The following ENAH variants were observed in gnomAD, a reference collection of about 807,000 sequenced individuals.
ENAH encodes ENAH actin regulator.
A neutral mutation model predicts 78.7 loss-of-function variants in ENAH; 23 were observed. The ratio of observed to expected loss-of-function variants is 0.29; its 90% confidence interval spans 0.21 to 0.41. The LOEUF is 0.41. ENAH is among the 10% of genes least tolerant of loss of function. The pLI is 1.00. For missense variants in ENAH, 544 were observed against 691.0 expected (o/e 0.79, Z 2.39); for synonymous variants, 226 against 241.0 (o/e 0.94, Z 0.58).
chr1:225,629,353 A>AGGCAGGT (rs1658565732), intron 1 of ENAH, among the ~76,000 whole-genome samples: 1 of 151,958 alleles, frequency 6.6e-6, no homozygotes, highest in Non-Finnish European at 1.5e-5. Context: ...TGGGAGGCCA[A>AGGCAGGT]GGCAGGTGGA....
chr1:225,518,088 G>T, intron 5 of ENAH: 1 of 1,019,038 alleles, frequency 9.8e-7, no homozygotes, highest in Non-Finnish European at 1.4e-6. Flanking sequence ...CAGACACAAT[G>T]TATAAATGTA....
chr1:225,502,329 A>T (rs1157036099), intron 11 of ENAH, among the ~76,000 whole-genome samples: 1 of 152,062 alleles, frequency 6.6e-6, no homozygotes, highest in African/African-American at 2.4e-5. Context: ...TTCCTGCCTC[A>T]GCCTCTGGAG....
chr1:225,517,536 A>T, intron 5 of ENAH: 2 of 1,551,624 alleles, frequency 1.3e-6, no homozygotes, highest in Non-Finnish European at 1.7e-6. Flanking sequence ...TTTGGGGCAC[A>T]GGAGAAGAAA....
At chr1:225,563,598 T>G (rs1427817566) in intron 2 of ENAH, among the ~76,000 whole-genome samples, 1 of 152,210 alleles carries the variant, frequency 6.6e-6, no homozygotes, top group Non-Finnish European at 1.5e-5. Flanking sequence ...ATCCTTATAT[T>G]ACTAAGGCAA....
At position 225,501,452 on chromosome 1, in the gene ENAH, C is replaced by A. The variant is rs182208681; in HGVS notation, c.1539-382G>T. Among the ~76,000 whole-genome samples, 80 of 152,268 alleles carry A rather than the reference C, an allele frequency of 5.3e-4. No individual in the cohort carries two copies. In the East Asian group the frequency reaches 0.013, roughly 25 times the overall value. ...AATCTTGTTTTGTCTTTCTTTTGAA[C>A]TTTTACATTATCTACTTAAATACCT... On this transcript the variant is annotated intron_variant, in intron 11 of 13. Coordinates refer to ENST00000366843, the MANE Select transcript of ENAH (RefSeq NM_018212.6).
At chr1:225,645,292 CATAT>C (rs1661755741) in intron 1 of ENAH, among the ~76,000 whole-genome samples, 1 of 152,206 alleles carries the variant, frequency 6.6e-6, no homozygotes, top group African/African-American at 2.4e-5. Context: ...GGAATCATGG[CATAT>C]ATCGCCTTTT....
At chr1:225,535,119 A>C (rs11584996) in intron 3 of ENAH, among the ~76,000 whole-genome samples, 32,390 of 152,104 alleles carry the variant, frequency 0.21, 4,262 homozygotes, top group Middle Eastern at 0.39. Context: ...CCTTTGCACA[A>C]GGCACATTTA....
chr1:225,533,729 ACT>A (rs1277624707), intron 3 of ENAH, among the ~76,000 whole-genome samples: 2 of 152,080 alleles, frequency 1.3e-5, no homozygotes, highest in African/African-American at 2.4e-5. Context: ...AGATCAGGAG[ACT>A]CTATAATAGG....
chr1:225,555,145 A>G (rs2096659860), intron 2 of ENAH, 62 bp from the exon 3 acceptor site: 1 of 1,377,020 alleles, frequency 7.3e-7, no homozygotes, highest in Non-Finnish European at 9.9e-7. Flanking sequence ...GGATGTCAAC[A>G]AATGCTGATT....
At chr1:225,541,797 A>G (rs1443567642) in intron 3 of ENAH, among the ~76,000 whole-genome samples, 2 of 152,176 alleles carry the variant, frequency 1.3e-5, no homozygotes, top group Middle Eastern at 3.2e-3. Context: ...ACTTATTCTC[A>G]CTTGAAAAAC....
At chr1:225,516,147 G>T (rs2096415617) in intron 6 of ENAH, among the ~76,000 whole-genome samples, 2 of 152,220 alleles carry the variant, frequency 1.3e-5, no homozygotes, top group Admixed American at 1.3e-4. Context: ...AATCCACTTA[G>T]AGATTACATC....
intron 3 of ENAH, among the ~76,000 whole-genome samples, chr1:225,550,028 C>A (rs887874598): frequency 6.6e-6 from 1 of 152,212 alleles, no homozygotes; most frequent in Non-Finnish European, 1.5e-5. Context: ...CATGCACACT[C>A]GTCAGCACTA....
At chr1:225,585,247 A>AC (rs2096840335) in intron 1 of ENAH, among the ~76,000 whole-genome samples, 1 of 109,732 alleles carries the variant, frequency 9.1e-6, no homozygotes, top group Non-Finnish European at 2.0e-5. Context: ...AAAAAAAAAA[A>AC]CAGAGAAAGA....
chr1:225,522,908 T>TTC (rs140005303), intron 4 of ENAH, among the ~76,000 whole-genome samples: 6,768 of 152,260 alleles, frequency 0.044, 227 homozygotes, highest in South Asian at 0.11. Context: ...CTTTGAGCAT[T>TTC]TGTTACTTCT....
At chr1:225,541,710 G>A (rs111841335) in intron 3 of ENAH, among the ~76,000 whole-genome samples, 30 of 152,142 alleles carry the variant, frequency 2.0e-4, no homozygotes, top group Non-Finnish European at 4.1e-4. Context: ...GGAATTTTCG[G>A]TATTTTTATT....
chr1:225,499,891 CAATT>C (rs1329048804), intron 12 of ENAH, among the ~76,000 whole-genome samples: 1 of 152,144 alleles, frequency 6.6e-6, no homozygotes, highest in Non-Finnish European at 1.5e-5. Context: ...ATAAAACTAT[CAATT>C]AGTTTGTCTT....
At chr1:225,617,573 TA>T (rs141412191) in intron 1 of ENAH, among the ~76,000 whole-genome samples, 6,500 of 152,250 alleles carry the variant, frequency 0.043, 226 homozygotes, top group South Asian at 0.1. Flanking sequence ...TGTACAGTGC[TA>T]AGTGGACAGT....
chr1:225,509,782 T>A (rs962555366), intron 10 of ENAH, among the ~76,000 whole-genome samples: 6 of 152,172 alleles, frequency 3.9e-5, no homozygotes, highest in African/African-American at 1.4e-4. Flanking sequence ...ACAATATTCC[T>A]CAAAAAGAAT....
At chr1:225,632,270 G>A (rs1162639374) in intron 1 of ENAH, among the ~76,000 whole-genome samples, 1 of 152,122 alleles carries the variant, frequency 6.6e-6, no homozygotes, top group East Asian at 1.9e-4. Context: ...AGGCCAAAGC[G>A]GGCAGATCAC....
Sources: gnomAD v4.1 joint callset for allele counts (sites outside exome capture counted in the v4.1 genomes callset) on GRCh38, gnomAD v4.1.1 for gene constraint, MANE v1.5 for transcripts, NCBI Gene and HGNC (gene_info 2026-07-23, HGNC 2026-07-21) for gene names.